RABGAP1L: variants seen among roughly 807,000 people sequenced by gnomAD.
RABGAP1L encodes RAB GTPase activating protein 1 like, also known as rab GTPase-activating protein 1-like.
In RABGAP1L, 63 loss-of-function variants were observed where a neutral mutation model predicts 137.7. The ratio of observed to expected loss-of-function variants is 0.46; its 90% confidence interval spans 0.37 to 0.56. RABGAP1L has a LOEUF of 0.56. Among genes scored for constraint, RABGAP1L ranks in the 20% least tolerant of loss-of-function variants. The pLI, the probability that RABGAP1L is intolerant of heterozygous loss-of-function variation, is 0.00. For missense variants in RABGAP1L, 1,095 were observed against 1,244.0 expected (o/e 0.88, Z 1.80); for synonymous variants, 431 against 433.7 (o/e 0.99, Z 0.08).
intron 17 of RABGAP1L, among the ~76,000 whole-genome samples, chr1:174,703,536 C>T (rs1287275562): frequency 6.6e-6 from 1 of 152,168 alleles, no homozygotes; most frequent in African/African-American, 2.4e-5. Context: ...ATAAATAGTG[C>T]TGCGATAAGC....
intron 19 of RABGAP1L, among the ~76,000 whole-genome samples, chr1:174,838,895 G>A (rs1048721837): frequency 2.1e-4 from 23 of 108,986 alleles, no homozygotes; most frequent in Non-Finnish European, 3.5e-4. Flanking sequence ...TCCAGCCTGG[G>A]CGACAAAGCG....
intron 18 of RABGAP1L, among the ~76,000 whole-genome samples, chr1:174,769,149 A>T (rs769796538): frequency 6.6e-6 from 1 of 152,316 alleles, no homozygotes; most frequent in Admixed American, 6.5e-5. Flanking sequence ...TTTGCAGGTG[A>T]TGGAATTATT....
At chr1:174,925,859 GTT>G (rs11340680) in intron 19 of RABGAP1L, among the ~76,000 whole-genome samples, 3 of 128,854 alleles carry the variant, frequency 2.3e-5, no homozygotes, top group African/African-American at 5.4e-5. Context: ...TTTGTTGTTG[GTT>G]TTTTTTTTGT....
chr1:174,195,761 C>T lies in RABGAP1L; in HGVS notation c.-33-23364C>T, dbSNP rs954706614. On this transcript the variant is annotated intron_variant, in intron 1 of 25. Transcript: ENST00000681986. ...TTTCTTTCTTTCTTTCTCTCTTTCT[C>T]TCTTTCTCTCTTTCCTTTCTTTCTT... is the stretch of plus-strand genomic sequence containing the variant. Among the ~76,000 whole-genome samples the T allele has an allele frequency of 3.2e-3, 357 of 111,284 alleles. 2 individuals carry two copies. Among genetic ancestry groups the T allele is most frequent in the African/African-American group, 0.011 (330 of 29,288 alleles). 73.0% of individuals were successfully genotyped at this position (111,284 alleles called of 152,430 possible). A position where few individuals can be genotyped will look rare whatever the true frequency, so the allele number is the denominator to read the frequency against.
intron 17 of RABGAP1L, among the ~76,000 whole-genome samples, chr1:174,746,406 G>A (rs2148663457): frequency 6.6e-6 from 1 of 152,324 alleles, no homozygotes; most frequent in East Asian, 1.9e-4. Context: ...GGAAGGTGGT[G>A]ACCCTTTCTT....
chr1:174,624,679 T>G (rs976775089), intron 13 of RABGAP1L, among the ~76,000 whole-genome samples: 2 of 152,118 alleles, frequency 1.3e-5, no homozygotes, highest in African/African-American at 4.8e-5. Flanking sequence ...ACTGGAAACA[T>G]AAAGGTCAGA....
At chr1:174,202,611 C>G (rs1571525407) in intron 1 of RABGAP1L, among the ~76,000 whole-genome samples, 2 of 152,128 alleles carry the variant, frequency 1.3e-5, no homozygotes, top group Non-Finnish European at 2.9e-5. Flanking sequence ...TGCCTGTTCA[C>G]TCTGATGGTA....
intron 15 of RABGAP1L, among the ~76,000 whole-genome samples, chr1:174,687,354 G>A (rs1678554434): frequency 2.6e-5 from 4 of 152,138 alleles, no homozygotes. Context: ...ATTCAGTGTT[G>A]TCATGGCTTT....
chr1:174,957,424 T>C, intron 19 of RABGAP1L, 33 bp from the exon 20 acceptor site: 2 of 1,547,386 alleles, frequency 1.3e-6, no homozygotes, highest in Non-Finnish European at 1.8e-6. Flanking sequence ...AATGGTGTCC[T>C]TGTCTAACAT....
At chr1:174,989,050 A>G (rs1351488522) in intron 25 of RABGAP1L, among the ~76,000 whole-genome samples, 1 of 152,226 alleles carries the variant, frequency 6.6e-6, no homozygotes, top group Admixed American at 6.5e-5. Context: ...TTAATAATTA[A>G]AATTATATCT....
chr1:174,909,443 T>C lies in RABGAP1L; in HGVS notation c.2341-48014T>C, dbSNP rs147167012. On this transcript the variant is annotated intron_variant, in intron 19 of 25. Transcript: ENST00000681986. ...AGTATCACTGTGTTGCTCAGGATGG[T>C]CTTGAACTGCTGAGCTCAAGCTATC... Among the ~76,000 whole-genome samples, 794 of 152,280 alleles carry C rather than the reference T, an allele frequency of 5.2e-3. 8 individuals are homozygous for C. The highest frequency in any genetic ancestry group is 0.017 in the African/African-American group (713 of 41,552).
intron 18 of RABGAP1L, among the ~76,000 whole-genome samples, chr1:174,784,278 G>A (rs528463213): frequency 6.6e-6 from 1 of 151,826 alleles, no homozygotes; most frequent in African/African-American, 2.4e-5. Context: ...CTCGGCTCCC[G>A]AAAGTGCTGG....
At chr1:174,612,967 C>G (rs1463044264) in intron 13 of RABGAP1L, among the ~76,000 whole-genome samples, 2 of 151,434 alleles carry the variant, frequency 1.3e-5, no homozygotes, top group African/African-American at 2.4e-5. Context: ...ATTAGTCTTG[C>G]TAGTGGTCTA....
intron 1 of RABGAP1L, among the ~76,000 whole-genome samples, chr1:174,186,894 A>C (rs758559057): frequency 6.6e-6 from 1 of 152,204 alleles, no homozygotes; most frequent in Non-Finnish European, 1.5e-5. Context: ...CATTTCCCCT[A>C]TAATGCTTCA....
chr1:174,251,655 A>G (rs901652534), intron 6 of RABGAP1L, among the ~76,000 whole-genome samples: 1 of 152,160 alleles, frequency 6.6e-6, no homozygotes, highest in Non-Finnish European at 1.5e-5. Context: ...AATTTGATTA[A>G]CTTGTCCCTG....
intron 11 of RABGAP1L, among the ~76,000 whole-genome samples, chr1:174,311,777 T>C (rs1678877870): frequency 6.6e-6 from 1 of 152,142 alleles, no homozygotes; most frequent in Non-Finnish European, 1.5e-5. Context: ...TGGCTAATTT[T>C]TTGTATTTTA....
intron 4 of RABGAP1L, among the ~76,000 whole-genome samples, chr1:174,237,134 C>G (rs909555979): frequency 6.6e-6 from 1 of 151,794 alleles, no homozygotes; most frequent in Non-Finnish European, 1.5e-5. Context: ...AGATCTTCCT[C>G]CATCCTTTTA....
At chr1:174,977,937 A>G (rs1670792443) in intron 22 of RABGAP1L, among the ~76,000 whole-genome samples, 2 of 152,354 alleles carry the variant, frequency 1.3e-5, no homozygotes, top group East Asian at 3.9e-4. Flanking sequence ...TAATTTATGA[A>G]CTAGCAATTA....
chr1:174,495,875 A>G (rs1291499726), intron 13 of RABGAP1L, among the ~76,000 whole-genome samples: 3 of 152,144 alleles, frequency 2.0e-5, no homozygotes, highest in Non-Finnish European at 1.5e-5. Context: ...GAGTAGAATT[A>G]CTAGGTCAAA....
Sources: gnomAD v4.1 joint callset for allele counts (sites outside exome capture counted in the v4.1 genomes callset) on GRCh38, gnomAD v4.1.1 for gene constraint, MANE v1.5 for transcripts, NCBI Gene and HGNC (gene_info 2026-07-23, HGNC 2026-07-21) for gene names.